The following PDE9A variants were observed in gnomAD, a reference collection of about 807,000 sequenced individuals.
PDE9A encodes phosphodiesterase 9A.
In PDE9A, 60 loss-of-function variants were observed where a neutral mutation model predicts 87.4. That is an observed-to-expected ratio of 0.69 (90% CI 0.56 to 0.85). The LOEUF (loss-of-function observed/expected upper bound fraction) is 0.85. PDE9A is among the 40% of genes least tolerant of loss of function. PDE9A has a pLI of 0.00. For missense variants in PDE9A, 665 were observed against 779.0 expected (o/e 0.85, Z 1.74); for synonymous variants, 272 against 279.4 (o/e 0.97, Z 0.27).
intron 1 of PDE9A, among the ~76,000 whole-genome samples, chr21:42,683,746 A>G (rs2146131805): frequency 6.6e-6 from 1 of 152,268 alleles, no homozygotes; most frequent in East Asian, 1.9e-4. Context: ...TCTTGCTGGT[A>G]GGTGCACCCC....
chr21:42,709,490 G>A (rs146920762), intron 4 of PDE9A, among the ~76,000 whole-genome samples: 1 of 152,284 alleles, frequency 6.6e-6, no homozygotes, highest in African/African-American at 2.4e-5. Context: ...GCACGTGCAT[G>A]TAACCGCCAC....
chr21:42,759,459 GGT>G lies in PDE9A; in HGVS notation c.897+378_897+379del, dbSNP rs2055441193. On this transcript the variant is annotated intron_variant, in intron 11 of 19. Transcript: ENST00000291539. The surrounding 1 kb of genome is among the most constrained non-coding windows in gnomAD (Gnocchi z 7.2). Reference sequence around the variant, plus strand: ...TGGATGTGAGTGTGTGTGAGTGTGGGGTGTGGATGTGAGCATGGGGGTGTCTG... The same window carrying G: ...TGGATGTGAGTGTGTGTGAGTGTGGGGTGGATGTGAGCATGGGGGTGTCTG... 6.6e-6 allele frequency among the ~76,000 whole-genome samples: 1 copy of G among 150,754 alleles called. No homozygotes were observed. Among genetic ancestry groups the G allele is most frequent in the Non-Finnish European group, 1.5e-5 (1 of 67,656 alleles).
chr21:42,674,263 T>C (rs190134703), intron 1 of PDE9A, among the ~76,000 whole-genome samples: 1 of 151,376 alleles, frequency 6.6e-6, no homozygotes, highest in East Asian at 2.0e-4. Context: ...GTGTAGGAGA[T>C]GCATGGATCT....
intron 6 of PDE9A, among the ~76,000 whole-genome samples, chr21:42,732,446 T>G (rs746911370): frequency 6.6e-6 from 1 of 152,190 alleles, no homozygotes; most frequent in Non-Finnish European, 1.5e-5. Context: ...CACTGGAAAA[T>G]AAGCTTCCTC....
chr21:42,707,570 A>G (rs948795554), intron 4 of PDE9A, among the ~76,000 whole-genome samples: 1 of 151,916 alleles, frequency 6.6e-6, no homozygotes, highest in Non-Finnish European at 1.5e-5. Context: ...TCCATGCCTC[A>G]ATCCCCCACT....
chr21:42,725,025 C>T (rs2284963), intron 4 of PDE9A, among the ~76,000 whole-genome samples: 16,820 of 152,230 alleles, frequency 0.11, 1,158 homozygotes, highest in East Asian at 0.33. Flanking sequence ...AGAAAGCCCA[C>T]TCATGGCCCG....
At chr21:42,662,840 A>C (rs1408532394) in intron 1 of PDE9A, among the ~76,000 whole-genome samples, 18 of 127,834 alleles carry the variant, frequency 1.4e-4, no homozygotes, top group African/African-American at 6.5e-4. Flanking sequence ...CACCCACCAC[A>C]CACCACACAC....
chr21:42,667,878 C>A (rs548684765), intron 1 of PDE9A, among the ~76,000 whole-genome samples: 16 of 152,142 alleles, frequency 1.1e-4, no homozygotes, highest in African/African-American at 3.6e-4. Context: ...TTTGATGAAC[C>A]GCCCTTTCCC....
In PDE9A at chr21:42,694,991, C is replaced by T. The variant is rs556981390; in HGVS notation, c.219-3977C>T. Among the ~76,000 whole-genome samples the T allele has an allele frequency of 1.2e-4, 19 of 152,308 alleles. No individual in the cohort carries two copies. In the South Asian group the frequency reaches 2.1e-3, roughly 17 times the overall value. ...TGCACACTGCCAATCTTCCTGTCCC[C>T]GCCCCAAATCCAAAGGCCCCTCCTA... On this transcript the variant is annotated intron_variant, in intron 3 of 19. Transcript: ENST00000291539. The surrounding 1 kb of genome is among the most constrained non-coding windows in gnomAD (Gnocchi z 5.3).
At chr21:42,724,707 C>A in intron 4 of PDE9A, 1 of 500,434 alleles carries the variant, frequency 2.0e-6, no homozygotes, top group Non-Finnish European at 2.6e-6. Flanking sequence ...TGTACCCTTC[C>A]TGAGAATAGC....
chr21:42,710,859 G>A (rs990282043), intron 4 of PDE9A, among the ~76,000 whole-genome samples: 2 of 152,088 alleles, frequency 1.3e-5, no homozygotes, highest in Non-Finnish European at 2.9e-5. Flanking sequence ...GTGGTGGCAG[G>A]TGCCTGTAAT....
chr21:42,737,611 C>T (rs1190646830), intron 7 of PDE9A, among the ~76,000 whole-genome samples: 2 of 152,158 alleles, frequency 1.3e-5, no homozygotes, highest in Admixed American at 6.5e-5. Context: ...CTGCCCGCCA[C>T]CATGTCCGGC....
intron 18 of PDE9A, among the ~76,000 whole-genome samples, chr21:42,771,006 C>T (rs190229783): frequency 2.0e-5 from 3 of 152,366 alleles, no homozygotes; most frequent in Admixed American, 2.0e-4. Context: ...GCCAAGAACA[C>T]GTCAGGTCTC....
intron 10 of PDE9A, among the ~76,000 whole-genome samples, chr21:42,755,706 G>A (rs1358135755): frequency 6.6e-5 from 10 of 152,214 alleles, no homozygotes; most frequent in Admixed American, 6.5e-5. Context: ...ATTGGGCAGA[G>A]CAAGTACACA....
In PDE9A at chr21:42,723,976, T is replaced by C. The variant is rs2050777612; in HGVS notation, c.263-7794T>C. On this transcript the variant is annotated intron_variant, in intron 4 of 19. Coordinates refer to ENST00000291539, the MANE Select transcript of PDE9A (RefSeq NM_002606.3). This position sits in a 1 kb window ranked among gnomAD's most constrained non-coding sequence, Gnocchi z 4.3. ...AGGAAAAAGAGGGAGGTGTCACACA[T>C]AATATCAAATTTGGCTGACACAAGG... 6.6e-6 allele frequency among the ~76,000 whole-genome samples: 1 copy of C among 152,236 alleles called. No individual in the cohort carries two copies. Among genetic ancestry groups the C allele is most frequent in the African/African-American group, 2.4e-5 (1 of 41,472 alleles).
chr21:42,655,363 A>G (rs1302887441), intron 1 of PDE9A, among the ~76,000 whole-genome samples: 1 of 152,226 alleles, frequency 6.6e-6, no homozygotes, highest in Non-Finnish European at 1.5e-5. Flanking sequence ...TCCCGGGAGC[A>G]GCTCTCTTGG....
chr21:42,673,390 A>T (rs945569101), intron 1 of PDE9A, among the ~76,000 whole-genome samples: 2 of 152,216 alleles, frequency 1.3e-5, no homozygotes, highest in African/African-American at 2.4e-5. Context: ...AGCTAGGAGC[A>T]TTCGGTAGCA....
intron 4 of PDE9A, among the ~76,000 whole-genome samples, chr21:42,713,574 A>G (rs2049541219): frequency 6.6e-6 from 1 of 152,232 alleles, no homozygotes; most frequent in Non-Finnish European, 1.5e-5. Context: ...TAGTGGCCTC[A>G]TAAAACACAT....
chr21:42,689,743 A>T (rs1320054902), intron 3 of PDE9A: 3 of 985,334 alleles, frequency 3.0e-6, no homozygotes, highest in African/African-American at 3.5e-5. Context: ...GAGCCCAAAG[A>T]GCCCAAATGT....
Sources: gnomAD v4.1 joint callset for allele counts (sites outside exome capture counted in the v4.1 genomes callset) on GRCh38, gnomAD v4.1.1 for gene constraint, Gnocchi (gnomAD v3.1) non-coding constraint, MANE v1.5 for transcripts, NCBI Gene and HGNC (gene_info 2026-07-23, HGNC 2026-07-21) for gene names.